Variants in LTBP1 observed in about 807,000 individuals in gnomAD.
LTBP1 encodes latent transforming growth factor beta binding protein 1, also known as latent-transforming growth factor beta-binding protein 1.
LTBP1 carries 129 observed loss-of-function variants against 207.6 expected under a neutral mutation model. The ratio of observed to expected loss-of-function variants is 0.62; its 90% CI spans 0.54 to 0.72. The LOEUF (loss-of-function observed/expected upper bound fraction) is 0.72. Among genes scored for constraint, LTBP1 ranks in the 30% least tolerant of loss-of-function variants. LTBP1 has a pLI of 0.00. For missense variants in LTBP1, 2,281 were observed against 2,217.2 expected, an observed-to-expected ratio of 1.03 and a Z score of -0.58; for synonymous variants, 963 against 833.7, an observed-to-expected ratio of 1.16 and a Z score of -2.67.
rs183486986 is a variant in LTBP1 at position 33,368,875 on chromosome 2, T to G, written c.4711+3372T>G. On this transcript the variant is annotated intron_variant, in intron 31 of 33. Transcript: ENST00000404816. ...CTGGGCAGCAGAGCCAGACCCTGTC[T>G]CAAATAGATAAATAAAATTATACCC... 9.9e-4 allele frequency among the ~76,000 whole-genome samples: 151 copies of G among 152,302 alleles called. 1 individual carries two copies. The South Asian group carries it at 0.01, about 10-fold the overall frequency.
At chr2:33,380,570 TA>T (rs909615836) in intron 31 of LTBP1, among the ~76,000 whole-genome samples, 9 of 149,082 alleles carry the variant, frequency 6.0e-5, no homozygotes, top group African/African-American at 9.8e-5. Context: ...ACTCCGTCTT[TA>T]AAAAAAAAAG....
chr2:32,981,569 A>G (rs565931314), intron 2 of LTBP1, among the ~76,000 whole-genome samples: 159 of 152,330 alleles, frequency 1.0e-3, no homozygotes, highest in Middle Eastern at 3.4e-3. Context: ...ACTGGAAAGT[A>G]GAAGCTCACA....
At chr2:33,353,867 T>C (rs946869596) in intron 26 of LTBP1, among the ~76,000 whole-genome samples, 10 of 151,258 alleles carry the variant, frequency 6.6e-5, no homozygotes, top group African/African-American at 2.2e-4. Context: ...CGCCTTTTTT[T>C]TTTTTTTTTT....
chr2:32,979,954 T>A (rs1314499385), intron 2 of LTBP1, among the ~76,000 whole-genome samples: 1 of 152,160 alleles, frequency 6.6e-6, no homozygotes, highest in African/African-American at 2.4e-5. Flanking sequence ...ATAATATTTG[T>A]CTTGAAATCT....
chr2:32,973,547 T>C (rs1221736758), intron 2 of LTBP1, among the ~76,000 whole-genome samples: 1 of 151,972 alleles, frequency 6.6e-6, no homozygotes, highest in Non-Finnish European at 1.5e-5. Flanking sequence ...TCATGGAGAT[T>C]GGGGCATCTT....
chr2:33,028,378 C>A (rs1215569524), intron 3 of LTBP1, among the ~76,000 whole-genome samples: 1 of 152,082 alleles, frequency 6.6e-6, no homozygotes, highest in African/African-American at 2.4e-5. Flanking sequence ...CTCTTCAAAA[C>A]CATGTGAGAG....
chr2:33,099,965 C>T (rs1029986075), intron 3 of LTBP1, among the ~76,000 whole-genome samples: 2 of 152,198 alleles, frequency 1.3e-5, no homozygotes, highest in African/African-American at 4.8e-5. Flanking sequence ...ATGACTGTCT[C>T]TTGCTTCCAT....
At chr2:33,209,337 T>C (rs548453628) in intron 7 of LTBP1, among the ~76,000 whole-genome samples, 25 of 152,302 alleles carry the variant, frequency 1.6e-4, no homozygotes, top group Admixed American at 4.6e-4. Context: ...GGGCCATGGA[T>C]CCTTGAGGGG....
At position 33,134,670 on chromosome 2, in the gene LTBP1, C is replaced by T; in HGVS notation, c.1034-123C>T. On this transcript the variant is annotated intron_variant, in intron 4 of 33. Coordinates refer to ENST00000404816, the MANE Select transcript of LTBP1 (RefSeq NM_206943.4). This position sits in a 1 kb window ranked among gnomAD's most constrained non-coding sequence, Gnocchi z 4.4. The stretch of plus-strand genomic sequence containing the variant: ...CCTTAAACCTGTCGGGTTGTGGGCT[C>T]TCTCTTTTCCCCTCTTGCTCCTTTC... The T allele has an allele frequency of 6.4e-7, 1 of 1,566,162 alleles. No individual in the cohort carries two copies. Among genetic ancestry groups the T allele is most frequent in the Non-Finnish European group, 8.7e-7 (1 of 1,154,482 alleles).
intron 2 of LTBP1, among the ~76,000 whole-genome samples, chr2:32,987,190 G>A (rs1317282932): frequency 6.6e-6 from 1 of 152,196 alleles, no homozygotes. Flanking sequence ...GAGCAAGTGG[G>A]TATGTGATTG....
intron 5 of LTBP1, among the ~76,000 whole-genome samples, chr2:33,181,850 C>T (rs1433499003): frequency 1.3e-5 from 2 of 152,144 alleles, no homozygotes; most frequent in Non-Finnish European, 2.9e-5. Context: ...TGATACATCA[C>T]TAGATGATGT....
chr2:33,070,204 A>G (rs1002306623), intron 3 of LTBP1, among the ~76,000 whole-genome samples: 1 of 152,218 alleles, frequency 6.6e-6, no homozygotes, highest in Admixed American at 6.5e-5. Flanking sequence ...CAAAAAAACA[A>G]ACTCAGAAAT....
chr2:33,180,911 G>T (rs10201620), intron 5 of LTBP1, among the ~76,000 whole-genome samples: 11,920 of 152,172 alleles, frequency 0.078, 1,007 homozygotes, highest in African/African-American at 0.21. Context: ...GCCCTGCAAG[G>T]GATATCAACA....
intron 14 of LTBP1, among the ~76,000 whole-genome samples, 191 bp downstream of exon 14, chr2:33,263,012 G>GT (rs75620528): frequency 1.3e-3 from 195 of 146,004 alleles, no homozygotes; most frequent in Middle Eastern, 7.1e-3. Flanking sequence ...GGAAAGATAG[G>GT]TTTTTTTTTT....
Position 33,187,064 on chromosome 2 carries a change from C to T in LTBP1, c.1410C>T (p.Ser470=), listed in dbSNP as rs1182797087. The T allele has an allele frequency of 1.2e-6, 2 of 1,613,816 alleles. No individual in the cohort carries two copies. The highest frequency in any genetic ancestry group is 3.3e-5 in the Admixed American group (2 of 60,006). ...ATACCTTGCCTCTGACCGTGACTAG[C>T]CAGCAAGGAGTCAAAGGTAAGCTTT... The part of the protein sequence containing the change: ...STHTLPLTVT[S]QQGVKVKFPP... Residue 470 remains serine (S), a synonymous_variant, in exon 6 of 34, where the codon AGC becomes AGT. Transcript: ENST00000404816.
At chr2:32,956,673 C>A (rs1051025461) in intron 2 of LTBP1, among the ~76,000 whole-genome samples, 2 of 152,168 alleles carry the variant, frequency 1.3e-5, no homozygotes, top group African/African-American at 2.4e-5. Context: ...AATCTCCTCC[C>A]GTAAATCATG....
Position 32,947,420 on chromosome 2 carries a change from G to A in LTBP1, c.96G>A (p.Val32=). ...HGRLRRITYV[V]HPGPGLAAGA... is the part of the protein sequence containing the mutation. ...GGCTGCGGAGGATCACCTACGTGGT[G>A]CACCCGGGCCCCGGCCTGGCAGCCG... Residue 32 remains valine (V), a synonymous_variant, in exon 1 of 34, where the codon GTG becomes GTA. Coordinates refer to ENST00000404816, the MANE Select transcript of LTBP1 (RefSeq NM_206943.4). 1.4e-6 allele frequency: 2 copies of A among 1,436,290 alleles called. No homozygotes were observed. The highest frequency in any genetic ancestry group is 2.5e-4 in the Middle Eastern group (1 of 4,048). The allele number at this position is 1,436,290 out of a possible 1,614,324, so 89.0% of individuals were successfully genotyped here.
chr2:33,000,879 C>G (rs897374251), intron 2 of LTBP1, among the ~76,000 whole-genome samples: 2 of 134,284 alleles, frequency 1.5e-5, no homozygotes, highest in Non-Finnish European at 3.3e-5. Flanking sequence ...AACACTCAAC[C>G]CGCTTCATCT....
At chr2:33,137,408 T>A (rs575933843) in intron 5 of LTBP1, among the ~76,000 whole-genome samples, 1 of 152,342 alleles carries the variant, frequency 6.6e-6, no homozygotes, top group Admixed American at 6.5e-5. Flanking sequence ...GGCAAACTCT[T>A]TTTGTAAAGG....
Sources: allele counts gnomAD v4.1 joint callset (sites outside exome capture counted in the v4.1 genomes callset), GRCh38; gene constraint gnomAD v4.1.1; non-coding constraint Gnocchi (gnomAD v3.1); transcripts MANE v1.5; gene names NCBI Gene and HGNC (gene_info 2026-07-23, HGNC 2026-07-21).